The following CORO1C variants were observed in gnomAD, a reference collection of about 807,000 sequenced individuals.
The protein encoded by CORO1C is coronin-1C.
In CORO1C, 14 loss-of-function variants were observed where a neutral mutation model predicts 51.2. The ratio of observed to expected loss-of-function variants is 0.27; its 90% CI spans 0.18 to 0.43. The LOEUF is 0.43. CORO1C is among the 20% of genes least tolerant of loss of function. The pLI, the probability that CORO1C is intolerant of heterozygous loss-of-function variation, is 1.00. For synonymous variants in CORO1C, 181 were observed against 210.5 expected, an observed-to-expected ratio of 0.86 and a Z score of 1.21; for missense variants, 417 against 607.8, an observed-to-expected ratio of 0.69 and a Z score of 3.30.
chr12:108,656,383 G>A (rs1264218744), intron 6 of CORO1C, among the ~76,000 whole-genome samples: 24 of 147,336 alleles, frequency 1.6e-4, no homozygotes, highest in Non-Finnish European at 3.3e-4. Flanking sequence ...GGAGGGAGGT[G>A]GGGGGGCAGC....
At chr12:108,725,547 G>C (rs757612540) in intron 1 of CORO1C, among the ~76,000 whole-genome samples, 5 of 152,214 alleles carry the variant, frequency 3.3e-5, no homozygotes, top group Admixed American at 6.5e-5. Context: ...GGAGCCAAGA[G>C]TGAAGCCCAG....
chr12:108,697,433 A>G (rs2034724086), intron 2 of CORO1C, among the ~76,000 whole-genome samples: 1 of 152,212 alleles, frequency 6.6e-6, no homozygotes, highest in South Asian at 2.1e-4. Context: ...CATGTATTGG[A>G]GCCTAACACA....
intron 3 of CORO1C, 144 bp downstream of exon 3, chr12:108,678,128 T>C (rs1038564664): frequency 1.7e-6 from 1 of 605,346 alleles, no homozygotes; most frequent in Non-Finnish European, 2.7e-6. Flanking sequence ...TAGTAAATTA[T>C]TGTAAAATCC....
chr12:108,703,011 C>A, intron 1 of CORO1C: 2 of 1,401,188 alleles, frequency 1.4e-6, no homozygotes, highest in South Asian at 1.4e-5. Flanking sequence ...ATTTTGGAAT[C>A]AATATGAATA....
intron 1 of CORO1C, among the ~76,000 whole-genome samples, chr12:108,717,473 C>A (rs141143640): frequency 3.7e-4 from 57 of 152,282 alleles, no homozygotes; most frequent in African/African-American, 1.2e-3. Flanking sequence ...TGGATCTGCA[C>A]GTGGGAGCAT....
At chr12:108,726,130 G>T (rs2035583833) in intron 1 of CORO1C, among the ~76,000 whole-genome samples, 1 of 152,274 alleles carries the variant, frequency 6.6e-6, no homozygotes, top group South Asian at 2.1e-4. Flanking sequence ...ACCACGCCCG[G>T]CATGAAATAT....
intron 8 of CORO1C, 117 bp downstream of exon 8, chr12:108,652,155 C>T: frequency 1.3e-6 from 1 of 772,512 alleles, no homozygotes; most frequent in Non-Finnish European, 1.9e-6. Context: ...AATTCTACTA[C>T]TTTCTTGCTC....
intron 8 of CORO1C, among the ~76,000 whole-genome samples, chr12:108,649,853 G>C (rs1384012230): frequency 1.3e-5 from 2 of 152,210 alleles, no homozygotes; most frequent in Admixed American, 6.5e-5. Flanking sequence ...GTGTGCAAGG[G>C]GGGAGTTGAA....
At chr12:108,674,352 T>A (rs946436688) in intron 3 of CORO1C, among the ~76,000 whole-genome samples, 7 of 152,012 alleles carry the variant, frequency 4.6e-5, no homozygotes, top group African/African-American at 1.7e-4. Context: ...ATGGAGACCA[T>A]CCTGGCTAAC....
At chr12:108,713,665 A>G (rs1413358802) in intron 1 of CORO1C, among the ~76,000 whole-genome samples, 1 of 152,238 alleles carries the variant, frequency 6.6e-6, no homozygotes, top group Non-Finnish European at 1.5e-5. Flanking sequence ...CTGAAGACGT[A>G]TAACTCCTCC....
intron 3 of CORO1C, among the ~76,000 whole-genome samples, chr12:108,675,306 A>G (rs2033867153): frequency 6.6e-6 from 1 of 152,198 alleles, no homozygotes; most frequent in Admixed American, 6.5e-5. Context: ...ACACCTCAAC[A>G]TATCACATAG....
At chr12:108,701,382 T>C (rs2034864888) in intron 1 of CORO1C, 59 bp from the exon 2 acceptor site, 2 of 1,608,374 alleles carry the variant, frequency 1.2e-6, no homozygotes, top group Non-Finnish European at 1.7e-6. Context: ...AGCTTTACTT[T>C]TACAAATGAA....
At chr12:108,679,406 G>C (rs2034045705) in intron 2 of CORO1C, among the ~76,000 whole-genome samples, 1 of 152,082 alleles carries the variant, frequency 6.6e-6, no homozygotes, top group African/African-American at 2.4e-5. Flanking sequence ...TTTGAATCTA[G>C]CAAACCAACC....
Position 108,658,037 on chromosome 12 carries a change from T to C in CORO1C, c.631-614A>G, listed in dbSNP as rs114626801. On this transcript the variant is annotated intron_variant, in intron 5 of 10. Coordinates refer to ENST00000261401, the MANE Select transcript of CORO1C (RefSeq NM_014325.4). The surrounding 1 kb of genome is among the most constrained non-coding windows in gnomAD (Gnocchi z 4.9). ...GCCTCAGAGTGTGGCAAATGAGGAC[T>C]TCTCAGACTTACTATGTGTAGTTTC... Among the ~76,000 whole-genome samples the C allele has an allele frequency of 1.9e-3, 285 of 152,288 alleles. 2 individuals carry two copies. Among genetic ancestry groups the C allele is most frequent in the African/African-American group, 6.5e-3 (272 of 41,558 alleles).
At chr12:108,710,095 A>C (rs1326694366) in intron 1 of CORO1C, among the ~76,000 whole-genome samples, 1 of 152,090 alleles carries the variant, frequency 6.6e-6, no homozygotes, top group African/African-American at 2.4e-5. Context: ...GTAATTTATC[A>C]CTCTCCTCCT....
chr12:108,727,363 A>G (rs569487592), intron 1 of CORO1C, among the ~76,000 whole-genome samples: 7 of 152,368 alleles, frequency 4.6e-5, no homozygotes, highest in Admixed American at 2.0e-4. Context: ...TTCTAGAAGT[A>G]GAAAGGCGAT....
chr12:108,688,456 G>A (rs915490538), intron 2 of CORO1C, among the ~76,000 whole-genome samples: 1 of 152,070 alleles, frequency 6.6e-6, no homozygotes, highest in African/African-American at 2.4e-5. Flanking sequence ...CCAAACTCTC[G>A]AAATTCAACA....
chr12:108,667,654 C>T (rs993701539), intron 3 of CORO1C, among the ~76,000 whole-genome samples: 3 of 152,238 alleles, frequency 2.0e-5, no homozygotes, highest in Non-Finnish European at 2.9e-5. Flanking sequence ...AAGTGAGGCT[C>T]GGCGTTCAAG....
rs958743941 is a variant in CORO1C at position 108,725,514 on chromosome 12, CAA to C, written c.-6+5913_-6+5914del. ...AAGCTCAGGGAGGTGAGGGAGCTGGCAAAGTCACAGCTAGCAAGAAGCGGAGC... is the reference window on the plus strand; with the variant it reads ...AAGCTCAGGGAGGTGAGGGAGCTGGCAGTCACAGCTAGCAAGAAGCGGAGC... On this transcript the variant is annotated intron_variant, in intron 1 of 10. Coordinates refer to ENST00000261401, the MANE Select transcript of CORO1C (RefSeq NM_014325.4). Among the ~76,000 whole-genome samples, 5 of 152,280 alleles carry C rather than the reference CAA, an allele frequency of 3.3e-5. No individual in the cohort carries two copies. In the East Asian group the frequency reaches 5.8e-4, roughly 18 times the overall value.
Sources: gnomAD v4.1 joint callset for allele counts (sites outside exome capture counted in the v4.1 genomes callset) on GRCh38, gnomAD v4.1.1 for gene constraint, Gnocchi (gnomAD v3.1) non-coding constraint, MANE v1.5 for transcripts, NCBI Gene and HGNC (gene_info 2026-07-23, HGNC 2026-07-21) for gene names.